The following ZBTB7C variants were observed in gnomAD, a reference collection of about 807,000 sequenced individuals.
ZBTB7C encodes the protein zinc finger and BTB domain-containing protein 7C.
Under a neutral mutation model 25.7 loss-of-function variants are expected in ZBTB7C, and 8 were observed. The observed-to-expected ratio is 0.31, with a 90% CI of 0.18 to 0.56. ZBTB7C has a LOEUF of 0.56. Among genes scored for constraint, ZBTB7C ranks in the 20% least tolerant of loss-of-function variants. The pLI is 0.91. For synonymous variants in ZBTB7C, 394 were observed against 369.0 expected (o/e 1.07, Z -0.78); for missense variants, 824 against 855.2 (o/e 0.96, Z 0.46).
At position 48,243,594 on chromosome 18, in the gene ZBTB7C, G is replaced by A. The variant is rs551757780; in HGVS notation, c.-78-57599C>T. Among the ~76,000 whole-genome samples the A allele has an allele frequency of 2.7e-4, 41 of 152,134 alleles. No individual in the cohort carries two copies. In the East Asian group the frequency reaches 3.1e-3, roughly 11 times the overall value. On this transcript the variant is annotated intron_variant, in intron 2 of 4. Transcript: ENST00000590800. ...GAATCAATACTGTGAAAATGACCAT[G>A]ACTGCCAAAAGCAATCCACAAATTC...
chr18:48,250,572 T>TA (rs201560449), intron 2 of ZBTB7C, among the ~76,000 whole-genome samples: 3,845 of 152,152 alleles, frequency 0.025, 87 homozygotes, highest in African/African-American at 0.056. Flanking sequence ...CCATACTTAA[T>TA]AAAAAAACCC....
At chr18:48,169,256 C>G (rs2041380473) in intron 3 of ZBTB7C, among the ~76,000 whole-genome samples, 1 of 152,224 alleles carries the variant, frequency 6.6e-6, no homozygotes, top group South Asian at 2.1e-4. Context: ...GCACAGTACT[C>G]CTCACCTCCC....
At chr18:48,120,866 T>C (rs1198081906) in intron 3 of ZBTB7C, among the ~76,000 whole-genome samples, 1 of 152,134 alleles carries the variant, frequency 6.6e-6, no homozygotes, top group African/African-American at 2.4e-5. Flanking sequence ...CAGAGGATGC[T>C]GGGAAGGAGC....
intron 3 of ZBTB7C, among the ~76,000 whole-genome samples, chr18:48,167,244 GTC>G (rs1051679479): frequency 8.6e-5 from 13 of 151,992 alleles, no homozygotes; most frequent in Non-Finnish European, 2.9e-5. Flanking sequence ...TCCCCTCCCA[GTC>G]CAACCTGCCC....
chr18:48,294,567 G>A (rs1462116377), intron 2 of ZBTB7C, among the ~76,000 whole-genome samples: 1 of 152,054 alleles, frequency 6.6e-6, no homozygotes, highest in African/African-American at 2.4e-5. Context: ...GTGAGGATTT[G>A]CCAGGCTCTC....
intron 1 of ZBTB7C, among the ~76,000 whole-genome samples, chr18:48,366,803 T>A (rs542057787): frequency 3.4e-4 from 51 of 152,146 alleles, no homozygotes; most frequent in African/African-American, 1.2e-3. Context: ...AACCAGCGAG[T>A]GTATAACAAT....
At chr18:48,120,938 C>A (rs2096872154) in intron 3 of ZBTB7C, among the ~76,000 whole-genome samples, 2 of 152,228 alleles carry the variant, frequency 1.3e-5, no homozygotes, top group Admixed American at 1.3e-4. Context: ...AGCATGGCTG[C>A]AGGAGGCCGA....
intron 2 of ZBTB7C, among the ~76,000 whole-genome samples, chr18:48,304,839 CT>C (rs1344816054): frequency 3.3e-5 from 2 of 60,006 alleles, no homozygotes; most frequent in Non-Finnish European, 3.2e-5. Context: ...CAGGCTCTAC[CT>C]CAAAAAAAAA....
intron 3 of ZBTB7C, among the ~76,000 whole-genome samples, chr18:48,156,239 A>G (rs1434781578): frequency 6.6e-6 from 1 of 152,268 alleles, no homozygotes; most frequent in Non-Finnish European, 1.5e-5. Flanking sequence ...ATGAATGCCA[A>G]GAAGACCTGC....
intron 1 of ZBTB7C, among the ~76,000 whole-genome samples, chr18:48,395,640 C>T (rs1599035583): frequency 6.6e-6 from 1 of 152,078 alleles, no homozygotes; most frequent in African/African-American, 2.4e-5. Flanking sequence ...ATGAAGCAGG[C>T]GGGAAGGAGA....
chr18:48,366,694 T>A (rs1194215868), intron 1 of ZBTB7C, among the ~76,000 whole-genome samples: 1 of 152,192 alleles, frequency 6.6e-6, no homozygotes, highest in Non-Finnish European at 1.5e-5. Context: ...ACATTTGAAA[T>A]GGTGCTCGTG....
chr18:48,342,605 C>A (rs932982901), intron 1 of ZBTB7C, among the ~76,000 whole-genome samples: 2 of 152,212 alleles, frequency 1.3e-5, no homozygotes, highest in Non-Finnish European at 2.9e-5. Context: ...AAAGCCACTG[C>A]CTGCTCAAAT....
chr18:48,333,376 T>C (rs372941678), intron 2 of ZBTB7C, among the ~76,000 whole-genome samples: 39 of 151,948 alleles, frequency 2.6e-4, no homozygotes, highest in African/African-American at 9.2e-4. Context: ...TTCTCTCAAA[T>C]CTTTAGCAAG....
At chr18:48,235,277 T>C (rs1339288563) in intron 2 of ZBTB7C, among the ~76,000 whole-genome samples, 1 of 152,180 alleles carries the variant, frequency 6.6e-6, no homozygotes, top group Non-Finnish European at 1.5e-5. Flanking sequence ...GGTTTTAAAA[T>C]TATAGTTTCC....
chr18:48,229,131 C>T (rs2043185303), intron 2 of ZBTB7C, among the ~76,000 whole-genome samples: 1 of 152,096 alleles, frequency 6.6e-6, no homozygotes, highest in African/African-American at 2.4e-5. Context: ...CCAAGATTCC[C>T]CCTGCCACGT....
At chr18:48,191,938 C>T (rs1124349) in intron 2 of ZBTB7C, among the ~76,000 whole-genome samples, 51,785 of 152,082 alleles carry the variant, frequency 0.34, 9,020 homozygotes, top group Non-Finnish European at 0.37. Context: ...GCAATCACAC[C>T]CTCAGGTATT....
At chr18:48,156,051 A>T (rs1278239060) in intron 3 of ZBTB7C, among the ~76,000 whole-genome samples, 2 of 152,248 alleles carry the variant, frequency 1.3e-5, no homozygotes, top group Non-Finnish European at 2.9e-5. Flanking sequence ...TGAAATGACT[A>T]ACAACATCCT....
intron 2 of ZBTB7C, among the ~76,000 whole-genome samples, chr18:48,267,123 G>A (rs1377630204): frequency 6.6e-6 from 1 of 152,170 alleles, no homozygotes; most frequent in African/African-American, 2.4e-5. Flanking sequence ...TCTGCTGTAG[G>A]TCAAGTTGGA....
chr18:48,276,921 T>C (rs1226928888), intron 2 of ZBTB7C, among the ~76,000 whole-genome samples: 2 of 137,132 alleles, frequency 1.5e-5, no homozygotes, highest in Non-Finnish European at 3.1e-5. Context: ...CCACCAACAG[T>C]GTAAAAGTGT....
Sources: gnomAD v4.1 joint callset for allele counts (sites outside exome capture counted in the v4.1 genomes callset) on GRCh38, gnomAD v4.1.1 for gene constraint, MANE v1.5 for transcripts, NCBI Gene and HGNC (gene_info 2026-07-23, HGNC 2026-07-21) for gene names.